The following DCC variants were observed in gnomAD, a reference collection of about 807,000 sequenced individuals.
DCC encodes DCC netrin 1 receptor, also known as netrin receptor DCC.
Under a neutral mutation model 172.5 loss-of-function variants are expected in DCC, and 58 were observed. The observed-to-expected ratio is 0.34, with a 90% confidence interval of 0.27 to 0.42. The LOEUF is 0.42. DCC is among the 10% of genes least tolerant of loss of function. The pLI is 1.00. For synonymous variants in DCC, 709 were observed against 644.5 expected (o/e 1.10, Z -1.52); for missense variants, 1,740 against 1,791.0 (o/e 0.97, Z 0.51).
intron 2 of DCC, among the ~76,000 whole-genome samples, chr18:52,883,811 A>G (rs569123799): frequency 6.6e-6 from 1 of 152,022 alleles, no homozygotes; most frequent in South Asian, 2.1e-4. Context: ...GTACCTTCAG[A>G]TCATTTCATA....
chr18:52,724,905 C>A (rs1269711495), intron 1 of DCC, among the ~76,000 whole-genome samples: 1 of 152,186 alleles, frequency 6.6e-6, no homozygotes, highest in East Asian at 1.9e-4. Flanking sequence ...GACCTGTGGG[C>A]AAATAAAACT....
intron 12 of DCC, among the ~76,000 whole-genome samples, chr18:53,272,459 T>A (rs886453077): frequency 6.6e-6 from 1 of 152,160 alleles, no homozygotes; most frequent in Non-Finnish European, 1.5e-5. Context: ...TGCCACTCTT[T>A]GCCAGAAGAG....
intron 14 of DCC, among the ~76,000 whole-genome samples, chr18:53,323,300 A>G (rs975567174): frequency 1.3e-5 from 2 of 152,004 alleles, no homozygotes; most frequent in Admixed American, 6.6e-5. Flanking sequence ...ATACCTCACT[A>G]TCATTAATGA....
chr18:53,208,113 TTTTTTTTTTTA>T (rs2055684101), intron 11 of DCC, among the ~76,000 whole-genome samples: 1 of 151,210 alleles, frequency 6.6e-6, no homozygotes, highest in Non-Finnish European at 1.5e-5. Context: ...ATGTTTTTTT[TTTTTTTTTTTA>T]ATTAACTGGA....
chr18:52,654,015 A>C (rs1224134433), intron 1 of DCC, among the ~76,000 whole-genome samples: 3 of 152,208 alleles, frequency 2.0e-5, no homozygotes, highest in Non-Finnish European at 4.4e-5. Flanking sequence ...TTATTTATAC[A>C]GGACTCCTCC....
chr18:52,995,164 C>G (rs1159713217), intron 5 of DCC, among the ~76,000 whole-genome samples: 1 of 152,078 alleles, frequency 6.6e-6, no homozygotes, highest in African/African-American at 2.4e-5. Flanking sequence ...TTTAAGAAAA[C>G]AAATGCCTCT....
chr18:53,361,259 C>G (rs1400545913), intron 15 of DCC, among the ~76,000 whole-genome samples: 1 of 152,126 alleles, frequency 6.6e-6, no homozygotes, highest in Admixed American at 6.6e-5. Context: ...GACTTCAGAA[C>G]TGTGAAGAAA....
At chr18:52,910,088 T>A (rs553977439) in intron 3 of DCC, among the ~76,000 whole-genome samples, 2 of 151,996 alleles carry the variant, frequency 1.3e-5, no homozygotes, top group Non-Finnish European at 2.9e-5. Flanking sequence ...GAGGATGAGG[T>A]GGAATGCTAC....
At chr18:53,170,215 G>A (rs972850394) in intron 8 of DCC, among the ~76,000 whole-genome samples, 7 of 152,146 alleles carry the variant, frequency 4.6e-5, no homozygotes, top group Non-Finnish European at 8.8e-5. Flanking sequence ...ATCCACCAGT[G>A]GGGACATCAG....
intron 1 of DCC, among the ~76,000 whole-genome samples, chr18:52,535,390 A>C (rs1016374838): frequency 1.3e-5 from 2 of 152,210 alleles, no homozygotes; most frequent in Non-Finnish European, 2.9e-5. Flanking sequence ...GAAGAAAAGA[A>C]CAATTGTTGT....
chr18:52,896,972 G>A (rs1407878680), intron 2 of DCC, among the ~76,000 whole-genome samples: 1 of 152,154 alleles, frequency 6.6e-6, no homozygotes, highest in Non-Finnish European at 1.5e-5. Context: ...TGAACCACCA[G>A]GGGTCCTGAG....
At chr18:52,550,844 G>A (rs1055150192) in intron 1 of DCC, among the ~76,000 whole-genome samples, 1 of 151,944 alleles carries the variant, frequency 6.6e-6, no homozygotes, top group Non-Finnish European at 1.5e-5. Context: ...GGTGTGGGGT[G>A]TATGGGAACT....
At chr18:53,485,574 C>T (rs2045890794) in intron 25 of DCC, among the ~76,000 whole-genome samples, 1 of 152,052 alleles carries the variant, frequency 6.6e-6, no homozygotes, top group Admixed American at 6.5e-5. Flanking sequence ...TTATCTGAAA[C>T]AGTCTGACTT....
rs139593879 is a variant in DCC at position 52,358,007 on chromosome 18, T to C, written c.91+17129T>C. Among the ~76,000 whole-genome samples the C allele has an allele frequency of 1.8e-4, 27 of 151,568 alleles. No homozygotes were observed. The East Asian group carries it at 5.3e-3, about 30-fold the overall frequency. ...TGATCAAAGTCATCATCAGCAGTGATAAGTCATGTTGATAGCATGTACCCC... is the reference window on the plus strand; with the variant it reads ...TGATCAAAGTCATCATCAGCAGTGACAAGTCATGTTGATAGCATGTACCCC... On this transcript the variant is annotated intron_variant, in intron 1 of 28. Coordinates refer to ENST00000442544, the MANE Select transcript of DCC (RefSeq NM_005215.4).
intron 5 of DCC, among the ~76,000 whole-genome samples, chr18:53,042,027 A>G (rs190897103): frequency 6.6e-6 from 1 of 152,110 alleles, no homozygotes; most frequent in African/African-American, 2.4e-5. Flanking sequence ...CCTGACCAGA[A>G]CTTCCAATAC....
chr18:52,770,185 A>C, intron 2 of DCC, among the ~76,000 whole-genome samples: 1 of 151,066 alleles, frequency 6.6e-6, no homozygotes, highest in Admixed American at 6.6e-5. Context: ...TCCCCAGCCA[A>C]CTTCATTTCT....
intron 12 of DCC, among the ~76,000 whole-genome samples, chr18:53,278,141 A>G (rs2056828045): frequency 6.6e-6 from 1 of 152,156 alleles, no homozygotes; most frequent in African/African-American, 2.4e-5. Context: ...CTAAACTAAA[A>G]TTGAACAGTA....
At chr18:53,031,022 G>T (rs575517843) in intron 5 of DCC, among the ~76,000 whole-genome samples, 2 of 152,170 alleles carry the variant, frequency 1.3e-5, no homozygotes, top group African/African-American at 4.8e-5. Context: ...GCTTTGAGAG[G>T]CTGAGGCAGA....
At chr18:52,657,899 A>G (rs1381951843) in intron 1 of DCC, among the ~76,000 whole-genome samples, 1 of 152,172 alleles carries the variant, frequency 6.6e-6, no homozygotes, top group Non-Finnish European at 1.5e-5. Flanking sequence ...CTCAACTTTC[A>G]TGGTAAAAGT....
Sources: gnomAD v4.1 joint callset for allele counts (sites outside exome capture counted in the v4.1 genomes callset) on GRCh38, gnomAD v4.1.1 for gene constraint, MANE v1.5 for transcripts, NCBI Gene and HGNC (gene_info 2026-07-23, HGNC 2026-07-21) for gene names.